The following CCBE1 variants were observed in gnomAD, a reference collection of about 807,000 sequenced individuals.
CCBE1 encodes the protein collagen and calcium-binding EGF domain-containing protein 1.
Under a neutral mutation model 50.0 loss-of-function variants are expected in CCBE1, and 37 were observed. That is an observed-to-expected ratio of 0.74 (90% CI 0.57 to 0.97). CCBE1 has a LOEUF of 0.97. Ranked by LOEUF, CCBE1 falls within the 50% of genes least tolerant of loss-of-function variation. CCBE1 has a pLI of 0.00. For missense variants in CCBE1, 538 were observed against 523.8 expected (o/e 1.03, Z -0.26); for synonymous variants, 234 against 203.7 (o/e 1.15, Z -1.27).
intron 2 of CCBE1, among the ~76,000 whole-genome samples, chr18:59,510,152 A>G (rs969647970): frequency 2.0e-5 from 3 of 152,122 alleles, no homozygotes; most frequent in African/African-American, 7.2e-5. Context: ...TGAGAGACAA[A>G]TCTATCTGGG....
chr18:59,551,045 GA>G (rs1245706285), intron 2 of CCBE1, among the ~76,000 whole-genome samples: 5 of 108,114 alleles, frequency 4.6e-5, no homozygotes, highest in Admixed American at 2.0e-4. Context: ...GAAAAGAAAA[GA>G]AAAAAAAGAA....
At chr18:59,659,156 T>G (rs943177975) in intron 2 of CCBE1, among the ~76,000 whole-genome samples, 2 of 152,196 alleles carry the variant, frequency 1.3e-5, no homozygotes, top group African/African-American at 4.8e-5. Flanking sequence ...CTACAAGTAC[T>G]CTGACCTCCT....
chr18:59,647,276 C>T (rs1369544426), intron 2 of CCBE1, among the ~76,000 whole-genome samples: 2 of 152,002 alleles, frequency 1.3e-5, no homozygotes, highest in Non-Finnish European at 2.9e-5. Flanking sequence ...ATAATTATAC[C>T]ATTAGTTAAA....
intron 2 of CCBE1, among the ~76,000 whole-genome samples, chr18:59,657,039 C>G (rs114192261): frequency 0.012 from 1,813 of 152,298 alleles, 37 homozygotes; most frequent in African/African-American, 0.042. Flanking sequence ...ATGTCTCCAC[C>G]CTTTGTCTTT....
At chr18:59,520,469 T>G (rs1221866190) in intron 2 of CCBE1, among the ~76,000 whole-genome samples, 3 of 152,220 alleles carry the variant, frequency 2.0e-5, no homozygotes, top group Non-Finnish European at 4.4e-5. Flanking sequence ...GATTTGACAA[T>G]GAAGCAATGG....
At chr18:59,528,542 G>A (rs1347311289) in intron 2 of CCBE1, among the ~76,000 whole-genome samples, 1 of 152,112 alleles carries the variant, frequency 6.6e-6, no homozygotes, top group Admixed American at 6.6e-5. Flanking sequence ...AAGGAGAAGA[G>A]GCACTCTGGA....
chr18:59,579,399 T>TA (rs111786909), intron 2 of CCBE1, among the ~76,000 whole-genome samples: 11,954 of 140,910 alleles, frequency 0.085, 1,405 homozygotes, highest in African/African-American at 0.27. Context: ...TGGGGATCTT[T>TA]AAAAAAAAAA....
intron 2 of CCBE1, among the ~76,000 whole-genome samples, chr18:59,511,838 T>C (rs1027459609): frequency 6.6e-6 from 1 of 152,142 alleles, no homozygotes; most frequent in Non-Finnish European, 1.5e-5. Context: ...TCCATGTAAG[T>C]TGAAAAGCAC....
chr18:59,606,391 T>A (rs1279177916), intron 2 of CCBE1, among the ~76,000 whole-genome samples: 1 of 152,224 alleles, frequency 6.6e-6, no homozygotes, highest in East Asian at 1.9e-4. Flanking sequence ...CCTGGCTTTC[T>A]ATGCACTTTC....
intron 2 of CCBE1, among the ~76,000 whole-genome samples, chr18:59,682,780 T>C (rs1288211817): frequency 6.6e-6 from 1 of 152,284 alleles, no homozygotes; most frequent in East Asian, 1.9e-4. Flanking sequence ...GTCTTTACCC[T>C]GAAAGGGTGA....
At chr18:59,694,071 C>T (rs56747672) in intron 2 of CCBE1, among the ~76,000 whole-genome samples, 7,981 of 151,944 alleles carry the variant, frequency 0.053, 696 homozygotes, top group African/African-American at 0.18. Context: ...GGGGTTTTAT[C>T]ATGTTGGCCA....
At chr18:59,693,837 C>T (rs75227062) in intron 2 of CCBE1, among the ~76,000 whole-genome samples, 5,222 of 141,536 alleles carry the variant, frequency 0.037, 179 homozygotes, top group African/African-American at 0.091. Flanking sequence ...TTCCTACACA[C>T]GAGAATATTT....
At position 59,658,321 on chromosome 18, in the gene CCBE1, T is replaced by TTA. The variant is rs1568258284; in HGVS notation, c.212+38307_212+38308insTA. Reference sequence around the variant, plus strand: ...GAGCAACATAGCAAGACCCTGTCTCTAAAAAAAAAAAAAAAAAAAAAAAAA... The same window carrying TTA: ...GAGCAACATAGCAAGACCCTGTCTCTTAAAAAAAAAAAAAAAAAAAAAAAAAA... On this transcript the variant is annotated intron_variant, in intron 2 of 10. Coordinates refer to ENST00000439986, the MANE Select transcript of CCBE1 (RefSeq NM_133459.4). Among the ~76,000 whole-genome samples, 2 of 6,424 alleles carry TTA rather than the reference T, an allele frequency of 3.1e-4. 1 individual carries two copies. The highest frequency in any genetic ancestry group is 4.9e-4 in the Non-Finnish European group (2 of 4,080). The allele number at this position is 6,424 out of a possible 152,430, so 4.2% of individuals were successfully genotyped here. A position where few individuals can be genotyped will look rare whatever the true frequency, so the allele number is the denominator to read the frequency against.
intron 2 of CCBE1, 36 bp from the exon 3 acceptor site, chr18:59,480,274 A>G (rs750235502): frequency 1.6e-5 from 23 of 1,421,676 alleles, no homozygotes; most frequent in Non-Finnish European, 2.3e-5. Context: ...TATAATAATT[A>G]GGCTAAAAAT....
chr18:59,486,061 CGCCTTGCTCCTTG>C (rs1320842209), intron 2 of CCBE1, among the ~76,000 whole-genome samples: 4 of 152,234 alleles, frequency 2.6e-5, no homozygotes, highest in Non-Finnish European at 5.9e-5. Flanking sequence ...GGATTGCTTG[CGCCTTGCTCCTTG>C]GCCTTGCTCC....
chr18:59,559,745 G>C (rs1471258163), intron 2 of CCBE1, among the ~76,000 whole-genome samples: 2 of 152,238 alleles, frequency 1.3e-5, no homozygotes, highest in African/African-American at 4.8e-5. Context: ...ATGAAGGCCA[G>C]TCAGTGGAAG....
intron 5 of CCBE1, among the ~76,000 whole-genome samples, chr18:59,460,855 A>C (rs989147872): frequency 6.6e-6 from 1 of 152,048 alleles, no homozygotes; most frequent in Admixed American, 6.6e-5. Context: ...GAATCGCTTG[A>C]ACCTGGGAGG....
At chr18:59,686,384 AG>A (rs956112710) in intron 2 of CCBE1, among the ~76,000 whole-genome samples, 4 of 152,256 alleles carry the variant, frequency 2.6e-5, no homozygotes, top group Non-Finnish European at 5.9e-5. Context: ...GGCCATCAAA[AG>A]CCCAGTGGTT....
At chr18:59,480,544 G>A (rs1454925846) in intron 2 of CCBE1, among the ~76,000 whole-genome samples, 1 of 152,060 alleles carries the variant, frequency 6.6e-6, no homozygotes, top group Admixed American at 6.5e-5. Flanking sequence ...GGAGTATAGG[G>A]CATAAATAGG....
Sources: gnomAD v4.1 joint callset for allele counts (sites outside exome capture counted in the v4.1 genomes callset) on GRCh38, gnomAD v4.1.1 for gene constraint, MANE v1.5 for transcripts, NCBI Gene and HGNC (gene_info 2026-07-23, HGNC 2026-07-21) for gene names.